The following DMD variants were observed in gnomAD, a reference collection of about 807,000 sequenced individuals.
The protein encoded by DMD is mutant dystrophin.
Under a neutral mutation model 330.1 loss-of-function variants are expected in DMD, and 63 were observed. That is an observed-to-expected ratio of 0.19 (90% CI 0.16 to 0.24). The LOEUF (loss-of-function observed/expected upper bound fraction) is 0.24, where lower values mean the gene tolerates loss of function less well. Ranked by LOEUF, DMD falls within the 10% of genes least tolerant of loss-of-function variation. The pLI is 1.00. For missense variants in DMD, 3,344 were observed against 2,684.1 expected (o/e 1.25, Z -5.43); for synonymous variants, 1,223 against 959.8 (o/e 1.27, Z -5.07).
intron 44 of DMD, among the ~76,000 whole-genome samples, chrX:32,076,352 G>A (rs1274564397): frequency 1.9e-5 from 2 of 107,184 alleles, no homozygotes; most frequent in African/African-American, 6.9e-5. Context: ...TGGCCATAAA[G>A]GAAACATAAG....
chrX:32,725,315 A>C (rs1352937646), intron 7 of DMD, among the ~76,000 whole-genome samples: 1 of 111,048 alleles, frequency 9.0e-6, no homozygotes, highest in Non-Finnish European at 1.9e-5. Context: ...TTTTATCTAT[A>C]ATATTGTAGT....
At chrX:32,109,915 C>T (rs1224364215) in intron 44 of DMD, among the ~76,000 whole-genome samples, 3 of 111,448 alleles carry the variant, frequency 2.7e-5, no homozygotes, top group Non-Finnish European at 3.8e-5. Flanking sequence ...ACTAAGGCAA[C>T]TTCTTGACAA....
intron 9 of DMD, among the ~76,000 whole-genome samples, chrX:32,660,658 T>G (rs1461375177): frequency 3.6e-5 from 4 of 111,409 alleles, no homozygotes; most frequent in Admixed American, 9.6e-5. Context: ...AAGCTTCTCC[T>G]TCAAAGATTG....
chrX:31,756,253 A>AT (rs771517788), intron 51 of DMD, among the ~76,000 whole-genome samples: 30 of 111,529 alleles, frequency 2.7e-4, no homozygotes, highest in Non-Finnish European at 4.5e-4. Context: ...CATATTCTCT[A>AT]TTATTTCTTC....
chrX:31,791,264 C>T (rs904562663), intron 50 of DMD, among the ~76,000 whole-genome samples: 1 of 111,860 alleles, frequency 8.9e-6, no homozygotes, highest in African/African-American at 3.2e-5. Context: ...TATAAAATAT[C>T]CAAATTGTCT....
intron 48 of DMD, among the ~76,000 whole-genome samples, chrX:31,863,066 G>T (rs184501791): frequency 8.9e-6 from 1 of 112,869 alleles, no homozygotes; most frequent in Non-Finnish European, 1.9e-5. Flanking sequence ...TGTTGCGGCC[G>T]GGTGAGGTGG....
chrX:31,822,656 GTGT>G (rs1208367543), intron 49 of DMD, among the ~76,000 whole-genome samples: 7 of 63,848 alleles, frequency 1.1e-4, no homozygotes, highest in Non-Finnish European at 1.7e-4. Context: ...GCAGAGGGGT[GTGT>G]GTGTGTGTGT....
intron 1 of DMD, among the ~76,000 whole-genome samples, chrX:33,046,994 G>A (rs1387594611): frequency 4.5e-5 from 5 of 112,244 alleles, no homozygotes; most frequent in African/African-American, 6.5e-5. Flanking sequence ...TGCTTACTAT[G>A]TGCCACCTAC....
chrX:31,234,456 G>A (rs2047525066), intron 63 of DMD, among the ~76,000 whole-genome samples: 1 of 112,390 alleles, frequency 8.9e-6, no homozygotes, highest in Non-Finnish European at 1.9e-5. Flanking sequence ...TACTGTTGCA[G>A]TACAAGAACA....
intron 1 of DMD, among the ~76,000 whole-genome samples, chrX:33,076,134 A>C (rs1466392539): frequency 9.1e-6 from 1 of 109,663 alleles, no homozygotes. Flanking sequence ...ATGACCCCCC[A>C]CTCAGGAACT....
At chrX:31,322,599 G>T (rs1043632532) in intron 62 of DMD, among the ~76,000 whole-genome samples, 3 of 111,841 alleles carry the variant, frequency 2.7e-5, no homozygotes, top group Non-Finnish European at 5.6e-5. Flanking sequence ...CCATTTTTCT[G>T]AGTTAACAAA....
At chrX:32,768,821 G>A (rs1372607009) in intron 7 of DMD, among the ~76,000 whole-genome samples, 1 of 111,891 alleles carries the variant, frequency 8.9e-6, no homozygotes, top group Admixed American at 9.5e-5. Flanking sequence ...AAACAACCAT[G>A]TCCTTTCTCC....
chrX:33,257,228 CATAAAAA>C (rs2052873069), intron 1 of DMD, among the ~76,000 whole-genome samples: 1 of 111,099 alleles, frequency 9.0e-6, no homozygotes, highest in Admixed American at 9.6e-5. Flanking sequence ...ATATTCTAAA[CATAAAAA>C]ATAAAAGTTT....
intron 12 of DMD, among the ~76,000 whole-genome samples, chrX:32,603,027 T>A (rs1447524660): frequency 9.0e-6 from 1 of 111,443 alleles, no homozygotes; most frequent in Non-Finnish European, 1.9e-5. Flanking sequence ...GGCCAGACAC[T>A]TACAGAACAT....
intron 44 of DMD, among the ~76,000 whole-genome samples, chrX:32,055,204 G>T: frequency 9.0e-6 from 1 of 111,204 alleles, no homozygotes; most frequent in East Asian, 2.9e-4. Context: ...TTCATAAGAT[G>T]AGAAATTTGC....
chrX:31,219,721 T>A (rs759082651), intron 64 of DMD, among the ~76,000 whole-genome samples: 3 of 109,902 alleles, frequency 2.7e-5, no homozygotes, highest in Admixed American at 9.8e-5. Flanking sequence ...CTTCTCATAC[T>A]CATATAAATA....
At chrX:32,536,537 G>C (rs1297644205) in intron 17 of DMD, among the ~76,000 whole-genome samples, 1 of 112,255 alleles carries the variant, frequency 8.9e-6, no homozygotes, top group Non-Finnish European at 1.9e-5. Flanking sequence ...TTAGCAGACA[G>C]TGAACTGTTT....
chrX:31,520,141 T>C (rs1445928291), intron 55 of DMD, among the ~76,000 whole-genome samples: 2 of 112,346 alleles, frequency 1.8e-5, no homozygotes, highest in Admixed American at 9.4e-5. Flanking sequence ...GGCAAAATGC[T>C]AAGGTACATT....
intron 44 of DMD, among the ~76,000 whole-genome samples, chrX:32,181,696 G>A (rs1327473647): frequency 9.0e-6 from 1 of 111,074 alleles, no homozygotes; most frequent in Non-Finnish European, 1.9e-5. Flanking sequence ...GATCTACAGT[G>A]GAATAGGGAA....
Sources: allele counts gnomAD v4.1 joint callset (sites outside exome capture counted in the v4.1 genomes callset), GRCh38; gene constraint gnomAD v4.1.1; transcripts MANE v1.5; gene names NCBI Gene and HGNC (gene_info 2026-07-23, HGNC 2026-07-21).